Variants in ATXN1 observed in about 807,000 individuals in gnomAD.
ATXN1 encodes ataxin-1.
A neutral mutation model predicts 56.4 loss-of-function variants in ATXN1; 8 were observed. That is an observed-to-expected ratio of 0.14 (90% CI 0.08 to 0.26). The LOEUF is 0.26. Among genes scored for constraint, ATXN1 ranks in the 10% least tolerant of loss-of-function variants. The pLI is 1.00. For synonymous variants in ATXN1, 514 were observed against 494.6 expected, an observed-to-expected ratio of 1.04 and a Z score of -0.52; for missense variants, 987 against 1,106.5, an observed-to-expected ratio of 0.89 and a Z score of 1.53.
intron 5 of ATXN1, among the ~76,000 whole-genome samples, chr6:16,493,091 C>T (rs1937596506): frequency 1.3e-5 from 2 of 152,202 alleles, no homozygotes; most frequent in Admixed American, 6.5e-5. Context: ...TGCTTTCTCT[C>T]TCTAAACCAT....
At chr6:16,403,081 C>T (rs1004909577) in intron 6 of ATXN1, among the ~76,000 whole-genome samples, 5 of 152,126 alleles carry the variant, frequency 3.3e-5, no homozygotes, top group Admixed American at 6.5e-5. Flanking sequence ...TAGATGTGCA[C>T]GTGTATGTAT....
chr6:16,340,646 C>T (rs1761225350), intron 6 of ATXN1, among the ~76,000 whole-genome samples: 1 of 152,230 alleles, frequency 6.6e-6, no homozygotes, highest in African/African-American at 2.4e-5. Context: ...ATTCGTGGTG[C>T]AGGCACTGCT....
chr6:16,465,768 AAGAC>A (rs1276457223), intron 6 of ATXN1, among the ~76,000 whole-genome samples: 1 of 152,096 alleles, frequency 6.6e-6, no homozygotes, highest in East Asian at 1.9e-4. Flanking sequence ...TGAAATCTGA[AAGAC>A]AGAGTCACTC....
chr6:16,462,867 G>A (rs953963832), intron 6 of ATXN1, among the ~76,000 whole-genome samples: 22 of 151,962 alleles, frequency 1.4e-4, no homozygotes, highest in African/African-American at 4.4e-4. Context: ...TGGCTTGTCC[G>A]CTTCTCAGGG....
intron 2 of ATXN1, among the ~76,000 whole-genome samples, chr6:16,671,244 C>T (rs1315151623): frequency 1.3e-5 from 2 of 151,388 alleles, no homozygotes; most frequent in African/African-American, 4.9e-5. Context: ...TGGATCATGC[C>T]TTTACAAAGT....
At chr6:16,635,610 G>A (rs980734851) in intron 3 of ATXN1, among the ~76,000 whole-genome samples, 4 of 152,184 alleles carry the variant, frequency 2.6e-5, no homozygotes, top group East Asian at 1.9e-4. Context: ...TGCTGCTGCC[G>A]CTTACAAAAG....
At chr6:16,559,935 A>T (rs540381999) in intron 4 of ATXN1, among the ~76,000 whole-genome samples, 35 of 152,230 alleles carry the variant, frequency 2.3e-4, no homozygotes, top group Admixed American at 8.5e-4. Context: ...AAATAGAGGC[A>T]TTTGGCTAAG....
At chr6:16,359,827 A>G (rs1360608541) in intron 6 of ATXN1, among the ~76,000 whole-genome samples, 4 of 152,312 alleles carry the variant, frequency 2.6e-5, no homozygotes, top group South Asian at 2.1e-4. Context: ...CAGAGATCCT[A>G]TAACAGTATG....
At chr6:16,635,878 G>A (rs1282509368) in intron 3 of ATXN1, among the ~76,000 whole-genome samples, 1 of 148,052 alleles carries the variant, frequency 6.8e-6, no homozygotes, top group African/African-American at 2.5e-5. Flanking sequence ...AAGCGACGAC[G>A]CCCACTGTGC....
chr6:16,714,064 A>T (rs1193623008), intron 2 of ATXN1, among the ~76,000 whole-genome samples: 4 of 152,038 alleles, frequency 2.6e-5, no homozygotes, highest in African/African-American at 9.7e-5. Flanking sequence ...GTTGAGGCAG[A>T]GAATCACTTG....
chr6:16,749,505 G>T (rs1346792871), intron 2 of ATXN1, among the ~76,000 whole-genome samples: 2 of 152,052 alleles, frequency 1.3e-5, no homozygotes, highest in East Asian at 3.9e-4. Flanking sequence ...TTTTTTAAAG[G>T]TCTTAAAGGA....
At chr6:16,392,125 CT>C (rs1157996911) in intron 6 of ATXN1, among the ~76,000 whole-genome samples, 2 of 152,216 alleles carry the variant, frequency 1.3e-5, no homozygotes, top group Non-Finnish European at 2.9e-5. Context: ...CTTTGCCTGC[CT>C]GGTTGGCAGC....
intron 6 of ATXN1, among the ~76,000 whole-genome samples, chr6:16,348,790 A>G (rs1435510364): frequency 6.6e-6 from 1 of 152,218 alleles, no homozygotes; most frequent in Non-Finnish European, 1.5e-5. Flanking sequence ...GCAAGCAGGC[A>G]GTAGTGCCTC....
In ATXN1 at chr6:16,389,968, T is replaced by C. The variant is rs192154877; in HGVS notation, c.-160-61498A>G. Among the ~76,000 whole-genome samples, 189 of 152,362 alleles carry C rather than the reference T, an allele frequency of 1.2e-3. 1 individual carries two copies. The highest frequency in any genetic ancestry group is 4.2e-3 in the African/African-American group (173 of 41,590). ...ACTGCACCAAGCTATGTTCTTGCTA[T>C]TCATTTCCCAAAATTAGATTTCCTT... On this transcript the variant is annotated intron_variant, in intron 6 of 7. Coordinates refer to ENST00000436367, the MANE Select transcript of ATXN1 (RefSeq NM_001128164.2).
intron 6 of ATXN1, among the ~76,000 whole-genome samples, chr6:16,405,506 A>T (rs1265941902): frequency 6.6e-6 from 1 of 152,214 alleles, no homozygotes; most frequent in East Asian, 1.9e-4. Context: ...AAATGCTCTC[A>T]GGGAGCTGGG....
At chr6:16,644,239 C>T (rs1226753315) in intron 3 of ATXN1, among the ~76,000 whole-genome samples, 1 of 152,188 alleles carries the variant, frequency 6.6e-6, no homozygotes, top group Non-Finnish European at 1.5e-5. Context: ...AATGGTTAAA[C>T]TGGGCCAGGT....
chr6:16,539,329 T>C (rs1006418067), intron 4 of ATXN1, among the ~76,000 whole-genome samples: 1 of 152,094 alleles, frequency 6.6e-6, no homozygotes, highest in African/African-American at 2.4e-5. Flanking sequence ...CTGAATTTTT[T>C]AAAAAAGAAA....
At chr6:16,689,479 ATTTTTTCTT>A (rs938756858) in intron 2 of ATXN1, among the ~76,000 whole-genome samples, 1 of 139,674 alleles carries the variant, frequency 7.2e-6, no homozygotes, top group Non-Finnish European at 1.5e-5. Flanking sequence ...CACCCAGTCA[ATTTTTTCTT>A]TTTTTTCCTT....
At chr6:16,398,089 CT>C (rs201463733) in intron 6 of ATXN1, among the ~76,000 whole-genome samples, 114 of 151,986 alleles carry the variant, frequency 7.5e-4, no homozygotes, top group Non-Finnish European at 1.3e-3. Flanking sequence ...GAAAATGGGA[CT>C]TTTTTTTCAA....
Sources: allele counts gnomAD v4.1 joint callset (sites outside exome capture counted in the v4.1 genomes callset), GRCh38; gene constraint gnomAD v4.1.1; transcripts MANE v1.5; gene names NCBI Gene and HGNC (gene_info 2026-07-23, HGNC 2026-07-21).